The following HTR3B variants were observed in gnomAD, a reference collection of about 807,000 sequenced individuals.
HTR3B encodes 5-hydroxytryptamine (serotonin) receptor 3B, ionotropic.
In HTR3B, 44 loss-of-function variants were observed where a neutral mutation model predicts 42.8. That is an observed-to-expected ratio of 1.03 (90% confidence interval 0.81 to 1.32). The LOEUF (loss-of-function observed/expected upper bound fraction) is 1.32, where lower values mean the gene tolerates loss of function less well. HTR3B is among the 40% of genes most tolerant of loss of function. The probability of loss-of-function intolerance (pLI) is 0.00; values close to 1 mark genes in which losing one functional copy is unlikely to be tolerated. For synonymous variants in HTR3B, 203 were observed against 209.0 expected (o/e 0.97, Z 0.25); for missense variants, 527 against 536.5 (o/e 0.98, Z 0.17).
At chr11:113,910,073 G>GTATTT (rs1210974774) in intron 2 of HTR3B, among the ~76,000 whole-genome samples, 1 of 151,204 alleles carries the variant, frequency 6.6e-6, no homozygotes, top group Admixed American at 6.6e-5. Context: ...ACAGTAATAG[G>GTATTT]TATTTTATCC....
At position 113,913,640 on chromosome 11, in the gene HTR3B, G is replaced by A. The variant is rs145222276; in HGVS notation, c.213+4185G>A. 3.4e-3 allele frequency among the ~76,000 whole-genome samples: 512 copies of A among 151,646 alleles called. 1 individual carries two copies. Among genetic ancestry groups the A allele is most frequent in the African/African-American group, 0.012 (489 of 41,304 alleles). On this transcript the variant is annotated intron_variant, in intron 2 of 8. Coordinates refer to ENST00000260191, the MANE Select transcript of HTR3B (RefSeq NM_006028.5). ...AGCCATACTCCAGCCTCAGTCTCCC[G>A]AGTAGCTGGGACTACAGGCACGTGC...
Position 113,947,286 on chromosome 11 carries a change from T to A in HTR3B, c.*1149T>A, listed in dbSNP as rs1336496127. ...ACCCAGCTAATTTTCTGTATTTTAG[T>A]AGCAGGTGCCAAGGCTTCTAAGCCC... is the stretch of plus-strand genomic sequence containing the variant. On this transcript the variant is annotated 3_prime_UTR_variant, in exon 9 of 9. Transcript: ENST00000260191. 6.6e-6 allele frequency among the ~76,000 whole-genome samples: 1 copy of A among 151,984 alleles called. No homozygotes were observed. The highest frequency in any genetic ancestry group is 1.5e-5 in the Non-Finnish European group (1 of 68,000).
chr11:113,917,509 G>A (rs1949867628), intron 2 of HTR3B, among the ~76,000 whole-genome samples: 1 of 152,052 alleles, frequency 6.6e-6, no homozygotes. Flanking sequence ...AGTTATGATT[G>A]TTGTTTGTCT....
intron 6 of HTR3B, among the ~76,000 whole-genome samples, chr11:113,940,647 A>G (rs1398552938): frequency 6.6e-6 from 1 of 152,226 alleles, no homozygotes; most frequent in Non-Finnish European, 1.5e-5. Flanking sequence ...CAACAGGCAG[A>G]CAACAATCTG....
In HTR3B at chr11:113,923,361, C is replaced by T. The variant is rs369901150; in HGVS notation, c.214-8023C>T. Among the ~76,000 whole-genome samples, 6 of 152,200 alleles carry T rather than the reference C, an allele frequency of 3.9e-5. No individual in the cohort carries two copies. The South Asian group carries it at 1.2e-3, about 32-fold the overall frequency. ...TTTATATAAAAGACTACAGTCTTGT[C>T]TTAGAATTTCTGGGTATTATGAGTA... On this transcript the variant is annotated intron_variant, in intron 2 of 8. Coordinates refer to ENST00000260191, the MANE Select transcript of HTR3B (RefSeq NM_006028.5).
chr11:113,942,552 G>A (rs973546185), intron 6 of HTR3B, among the ~76,000 whole-genome samples: 2 of 152,206 alleles, frequency 1.3e-5, no homozygotes, highest in Non-Finnish European at 2.9e-5. Flanking sequence ...TACCAGCTGG[G>A]TGAGTTTAAA....
chr11:113,939,379 C>G (rs1202405384), intron 6 of HTR3B, among the ~76,000 whole-genome samples: 1 of 152,150 alleles, frequency 6.6e-6, no homozygotes, highest in African/African-American at 2.4e-5. Flanking sequence ...ACCCCTTATT[C>G]AAACATTTTT....
At chr11:113,929,711 C>G (rs918814285) in intron 2 of HTR3B, among the ~76,000 whole-genome samples, 3 of 152,024 alleles carry the variant, frequency 2.0e-5, no homozygotes, top group Non-Finnish European at 4.4e-5. Context: ...GATGTCTATT[C>G]AAGTCTCTCA....
upstream of HTR3B, among the ~76,000 whole-genome samples, chr11:113,901,056 G>A (rs1350620385): frequency 6.6e-6 from 1 of 152,098 alleles, no homozygotes; most frequent in Non-Finnish European, 1.5e-5. Flanking sequence ...AACCATATTA[G>A]TGGATGAAAA....
intron 2 of HTR3B, among the ~76,000 whole-genome samples, chr11:113,916,004 A>G (rs1203379738): frequency 1.3e-5 from 2 of 152,050 alleles, no homozygotes; most frequent in Admixed American, 6.6e-5. Flanking sequence ...GTGCCTGGCT[A>G]ATTTTTGTAC....
chr11:113,945,780 A>G, intron 8 of HTR3B, 122 bp from the exon 9 acceptor site: 1 of 699,888 alleles, frequency 1.4e-6, no homozygotes, highest in Non-Finnish European at 2.5e-6. Flanking sequence ...ACCCAAACAC[A>G]ACCCACTGCT....
At chr11:113,904,128 G>A (rs563831931), upstream of HTR3B, among the ~76,000 whole-genome samples, 1 of 152,098 alleles carries the variant, frequency 6.6e-6, no homozygotes, top group African/African-American at 2.4e-5. Flanking sequence ...TAGTGTTATT[G>A]TATAGAATTA....
At chr11:113,901,042 G>C (rs935477097), upstream of HTR3B, among the ~76,000 whole-genome samples, 9 of 152,100 alleles carry the variant, frequency 5.9e-5, no homozygotes, top group Non-Finnish European at 1.0e-4. Context: ...GGGACATACA[G>C]CCAAACCATA....
intron 2 of HTR3B, among the ~76,000 whole-genome samples, chr11:113,921,209 G>T (rs1398331228): frequency 7.0e-6 from 1 of 143,460 alleles, no homozygotes; most frequent in African/African-American, 2.6e-5. Context: ...GCAGTGGCAC[G>T]ATCTCGGCTC....
intron 2 of HTR3B, among the ~76,000 whole-genome samples, chr11:113,913,035 T>G (rs955691466): frequency 1.3e-5 from 2 of 149,248 alleles, no homozygotes; most frequent in African/African-American, 4.9e-5. Flanking sequence ...ATATAGTAAT[T>G]ACATAATACA....
In HTR3B at chr11:113,946,189, G is replaced by T; in HGVS notation, c.*52G>T. The T allele has an allele frequency of 7.0e-7, 1 of 1,422,112 alleles. No individual in the cohort carries two copies. 88.1% of individuals were successfully genotyped at this position (1,422,112 alleles called of 1,614,324 possible). A position where few individuals can be genotyped will look rare whatever the true frequency, so the allele number is the denominator to read the frequency against. ...GCTGGCACTTAGGAGAGAGAGGAGG[G>T]GGAATAATAGTGGGTTAAAAAGCTT... On this transcript the variant is annotated 3_prime_UTR_variant, in exon 9 of 9. Transcript: ENST00000260191.
intron 2 of HTR3B, among the ~76,000 whole-genome samples, chr11:113,919,010 A>T (rs936044234): frequency 6.6e-6 from 1 of 152,004 alleles, no homozygotes; most frequent in African/African-American, 2.4e-5. Context: ...CCATCTTGCT[A>T]TTTGTTTTCT....
upstream of HTR3B, chr11:113,904,585 A>G (rs1223601960): frequency 2.8e-5 from 6 of 212,174 alleles, no homozygotes; most frequent in Non-Finnish European, 3.8e-5. Context: ...AAAGGAAATC[A>G]TATTAGTGTG....
At chr11:113,902,003 T>C (rs955023763), upstream of HTR3B, among the ~76,000 whole-genome samples, 2 of 152,228 alleles carry the variant, frequency 1.3e-5, no homozygotes, top group Non-Finnish European at 2.9e-5. Context: ...TTCAAAGAAC[T>C]GATAGGAAGA....
Sources: gnomAD v4.1 joint callset for allele counts (sites outside exome capture counted in the v4.1 genomes callset) on GRCh38, gnomAD v4.1.1 for gene constraint, MANE v1.5 for transcripts, NCBI Gene and HGNC (gene_info 2026-07-23, HGNC 2026-07-21) for gene names.